SEC61A2: variants seen among roughly 807,000 people sequenced by gnomAD.
The protein encoded by SEC61A2 is protein transport protein Sec61 subunit alpha isoform 2.
Under a neutral mutation model 59.9 loss-of-function variants are expected in SEC61A2, and 28 were observed. That is an observed-to-expected ratio of 0.47 (90% confidence interval 0.35 to 0.64). SEC61A2 has a LOEUF of 0.64. SEC61A2 is among the 30% of genes least tolerant of loss of function. The pLI is 0.01. For synonymous variants in SEC61A2, 202 were observed against 214.4 expected (o/e 0.94, Z 0.50); for missense variants, 340 against 585.9 (o/e 0.58, Z 4.33).
At position 12,154,971 on chromosome 10, in the gene SEC61A2, G is replaced by T. The variant is rs1293415813; in HGVS notation, c.463-807G>T. Among the ~76,000 whole-genome samples, 1 of 152,144 alleles carries T rather than the reference G, an allele frequency of 6.6e-6. No homozygotes were observed. The highest frequency in any genetic ancestry group is 6.5e-5 in the Admixed American group (1 of 15,278). On this transcript the variant is annotated intron_variant, in intron 6 of 11. Coordinates refer to ENST00000298428, the MANE Select transcript of SEC61A2 (RefSeq NM_018144.4). The surrounding 1 kb of genome is among the most constrained non-coding windows in gnomAD (Gnocchi z 5.2). ...CCTGTCTTGATTAGGTTATTTGAGT[G>T]CAGGGAAGGGGTCATATGACTGAGG...
Position 12,156,841 on chromosome 10 carries a change from G to C in SEC61A2, c.617-66G>C, listed in dbSNP as rs976430583. On this transcript the variant is annotated intron_variant, in intron 7 of 11. Coordinates refer to ENST00000298428, the MANE Select transcript of SEC61A2 (RefSeq NM_018144.4). The surrounding 1 kb of genome is among the most constrained non-coding windows in gnomAD (Gnocchi z 5.2). ...GCTGTATACTGGACTTTCACGGTTA[G>C]TTGTTTGAGCTTTGGGACAGCTTTG... The C allele has an allele frequency of 6.5e-7, 1 of 1,540,920 alleles. No individual in the cohort carries two copies. Among genetic ancestry groups the C allele is most frequent in the African/African-American group, 1.4e-5 (1 of 71,758 alleles).
rs937888640 is a variant in SEC61A2 at position 12,165,194 on chromosome 10, G to A, written c.*740G>A. 37 of 985,200 alleles carry A rather than the reference G, an allele frequency of 3.8e-5. No homozygotes were observed. The highest frequency in any genetic ancestry group is 6.2e-5 in the Admixed American group (1 of 16,256). 61.0% of individuals were successfully genotyped at this position (985,200 alleles called of 1,614,324 possible). ...ATATTCTTTCAAGATTCTGGGCCCC[G>A]ATTCTTTTCTGTTTAAATCCCTAAA... On this transcript the variant is annotated 3_prime_UTR_variant, in exon 12 of 12. Transcript: ENST00000298428.
Position 12,160,951 on chromosome 10 carries a change from G to A in SEC61A2, c.997G>A (p.Ala333Thr), listed in dbSNP as rs747314152. The change falls in exon 10 of 12, where the codon GCA becomes ACA. Residue 333 changes from alanine to threonine, a missense_variant. Ala to Thr is a moderately conservative substitution (Grantham distance 58). Around this residue, in one of 3 missense-constraint regions of SEC61A2, gnomAD observed 283 missense variants for 483.2 expected, o/e 0.59. Coordinates refer to ENST00000298428, the MANE Select transcript of SEC61A2 (RefSeq NM_018144.4). The surrounding 1 kb of genome is among the most constrained non-coding windows in gnomAD (Gnocchi z 4.1). ...QWADVSGGGP[A>T]RSYPVGGLCY... is the part of the protein sequence containing the mutation. ...GTAGGATGTCAGTGGGGGAGGACCC[G>A]CACGTTCTTACCCAGTTGGAGGCCT... 5 of 1,613,198 alleles carry A rather than the reference G, an allele frequency of 3.1e-6. No homozygotes were observed. Among genetic ancestry groups the A allele is most frequent in the African/African-American group, 1.3e-5 (1 of 74,984 alleles).
At chr10:12,159,019 C>G (rs911470504) in intron 9 of SEC61A2, among the ~76,000 whole-genome samples, 25 of 150,862 alleles carry the variant, frequency 1.7e-4, no homozygotes, top group Admixed American at 5.3e-4. Context: ...GCTGTGTCGC[C>G]CAGGCTGGAG....
intron 3 of SEC61A2, among the ~76,000 whole-genome samples, chr10:12,136,948 T>C (rs1833903241): frequency 6.6e-6 from 1 of 152,160 alleles, no homozygotes; most frequent in Non-Finnish European, 1.5e-5. Flanking sequence ...GTATTTTTAG[T>C]AGAGATGGGG....
At chr10:12,134,296 C>T (rs1349505907) in intron 2 of SEC61A2, among the ~76,000 whole-genome samples, 4 of 152,202 alleles carry the variant, frequency 2.6e-5, no homozygotes, top group East Asian at 3.9e-4. Context: ...CGTGAGCCAC[C>T]GCGCCCGGCT....
At chr10:12,130,580 C>A (rs1833711344) in intron 1 of SEC61A2, among the ~76,000 whole-genome samples, 1 of 152,134 alleles carries the variant, frequency 6.6e-6, no homozygotes, top group Non-Finnish European at 1.5e-5. Context: ...AACATGAATA[C>A]CCCTTACAGA....
rs1336487560 is a variant in SEC61A2, at chr10:12,161,483, C to G, written c.1167+362C>G. 1.3e-5 allele frequency among the ~76,000 whole-genome samples: 2 copies of G among 152,144 alleles called. No individual in the cohort carries two copies. Among genetic ancestry groups the G allele is most frequent in the African/African-American group, 4.8e-5 (2 of 41,442 alleles). ...AAAGGCCAGGCGCAGTGGTTCACGC[C>G]TGTAATCCCAGCACTTCGGGAGGCC... On this transcript the variant is annotated intron_variant, in intron 10 of 11. Transcript: ENST00000298428. This position sits in a 1 kb window ranked among gnomAD's most constrained non-coding sequence, Gnocchi z 5.4.
At position 12,136,145 on chromosome 10, in the gene SEC61A2, T is replaced by C. The variant is rs1033870255; in HGVS notation, c.116T>C (p.Leu39Pro). The change falls in exon 3 of 12, where the codon CTC becomes CCC. Residue 39 changes from leucine to proline, a missense_variant. By Grantham distance (98) the Leu-to-Pro change is moderately conservative. Coordinates refer to ENST00000298428, the MANE Select transcript of SEC61A2 (RefSeq NM_018144.4). ...AAGGTTCTGTGGACTGCTATAACGC[T>C]CTTCATTTTCTTAGTGTGTTGTCAG... ...REKVLWTAITLFIFLVCCQIP... is the reference protein window; with the variant it reads ...REKVLWTAITPFIFLVCCQIP... 6.3e-7 allele frequency: 1 copy of C among 1,597,564 alleles called. No homozygotes were observed. The highest frequency in any genetic ancestry group is 1.7e-5 in the Admixed American group (1 of 59,990).
At chr10:12,134,092 C>T (rs1015783600) in intron 2 of SEC61A2, among the ~76,000 whole-genome samples, 5 of 133,792 alleles carry the variant, frequency 3.7e-5, no homozygotes, top group Admixed American at 1.5e-4. Context: ...CTGCAAGCTC[C>T]GCCTCCCGGG....
intron 9 of SEC61A2, among the ~76,000 whole-genome samples, chr10:12,159,142 T>G (rs540959433): frequency 2.0e-5 from 3 of 151,874 alleles, no homozygotes; most frequent in Admixed American, 2.0e-4. Flanking sequence ...CACGCCCAGC[T>G]AATTTTTTGT....
intron 1 of SEC61A2, among the ~76,000 whole-genome samples, chr10:12,130,010 G>T (rs935311660): frequency 2.7e-4 from 41 of 152,300 alleles, no homozygotes; most frequent in African/African-American, 9.6e-4. Context: ...GAGGCCCGGG[G>T]TTTGCGTTTG....
chr10:12,151,774 G>A (rs1452687237), intron 6 of SEC61A2, among the ~76,000 whole-genome samples: 1 of 151,872 alleles, frequency 6.6e-6, no homozygotes, highest in Non-Finnish European at 1.5e-5. Context: ...TTTTATTTTT[G>A]AGACGGAGTT....
Position 12,154,790 on chromosome 10 carries a change from G to A in SEC61A2, c.463-988G>A, listed in dbSNP as rs1234221194. ...ATGGTCTCATGTGGTTACTTTGGTCGCTCTTCCAGCAGGTGATATTGGATA... is the reference window on the plus strand; with the variant it reads ...ATGGTCTCATGTGGTTACTTTGGTCACTCTTCCAGCAGGTGATATTGGATA... On this transcript the variant is annotated intron_variant, in intron 6 of 11. Coordinates refer to ENST00000298428, the MANE Select transcript of SEC61A2 (RefSeq NM_018144.4). This position sits in a 1 kb window ranked among gnomAD's most constrained non-coding sequence, Gnocchi z 5.2. Among the ~76,000 whole-genome samples the A allele has an allele frequency of 6.6e-6, 1 of 152,130 alleles. No homozygotes were observed. The highest frequency in any genetic ancestry group is 1.9e-4 in the East Asian group (1 of 5,190).
Position 12,155,840 on chromosome 10 carries a change from G to A in SEC61A2, c.525G>A (p.Leu175=). The A allele has an allele frequency of 6.2e-7, 1 of 1,613,808 alleles. No homozygotes were observed. The highest frequency in any genetic ancestry group is 1.1e-5 in the South Asian group (1 of 91,086). ...AGCTGCTACAGAAGGGTTACGGCTT[G>A]GGGTCTGGGATTTCCCTCTTTATTG... ...LDELLQKGYG[L]GSGISLFIAT... is the part of the protein sequence containing the mutation. Residue 175 remains leucine (L), a synonymous_variant, in exon 7 of 12, where the codon TTG becomes TTA. Transcript: ENST00000298428. The surrounding 1 kb of genome is among the most constrained non-coding windows in gnomAD (Gnocchi z 4.3).
At position 12,165,266 on chromosome 10, in the gene SEC61A2, A is replaced by T. The variant is rs1465248986; in HGVS notation, c.*812A>T. On this transcript the variant is annotated 3_prime_UTR_variant, in exon 12 of 12. Coordinates refer to ENST00000298428, the MANE Select transcript of SEC61A2 (RefSeq NM_018144.4). The stretch of plus-strand genomic sequence containing the variant: ...AATGTCTGTAGTTCAGTGGGGGTGA[A>T]CAATGAATATATTCATGCTAGGAAT... The T allele has an allele frequency of 1.6e-5, 16 of 985,344 alleles. No homozygotes were observed. Among genetic ancestry groups the T allele is most frequent in the Non-Finnish European group, 1.8e-5 (15 of 829,944 alleles). 61.0% of individuals were successfully genotyped at this position (985,344 alleles called of 1,614,324 possible). A position where few individuals can be genotyped will look rare whatever the true frequency, so the allele number is the denominator to read the frequency against.
At chr10:12,131,583 TG>T (rs1359404265) in intron 1 of SEC61A2, among the ~76,000 whole-genome samples, 1 of 151,386 alleles carries the variant, frequency 6.6e-6, no homozygotes, top group Non-Finnish European at 1.5e-5. Flanking sequence ...GTTAATTCTC[TG>T]GGTTGATTAT....
intron 4 of SEC61A2, among the ~76,000 whole-genome samples, chr10:12,146,878 T>C (rs1834152932): frequency 1.3e-5 from 2 of 151,696 alleles, no homozygotes; most frequent in Admixed American, 1.3e-4. Context: ...TAAGAACTTT[T>C]TGTCATTTGT....
In SEC61A2 at chr10:12,161,183, A is replaced by G. The variant is rs1834517999; in HGVS notation, c.1167+62A>G. On this transcript the variant is annotated intron_variant, in intron 10 of 11. Transcript: ENST00000298428. This position sits in a 1 kb window ranked among gnomAD's most constrained non-coding sequence, Gnocchi z 5.4. The stretch of plus-strand genomic sequence containing the variant: ...CAATGCATGGTGGCGCACATCTGTA[A>G]TCGTAGCACTTTGGCAGGCTGAGGC... 7.2e-7 allele frequency: 1 copy of G among 1,387,842 alleles called. No homozygotes were observed. Among genetic ancestry groups the G allele is most frequent in the Non-Finnish European group, 9.9e-7 (1 of 1,012,256 alleles). The allele number at this position is 1,387,842 out of a possible 1,614,324, so 86.0% of individuals were successfully genotyped here.
Sources: allele counts gnomAD v4.1 joint callset (sites outside exome capture counted in the v4.1 genomes callset), GRCh38; gene constraint gnomAD v4.1.1; regional missense constraint gnomAD v4.1.1; non-coding constraint Gnocchi (gnomAD v3.1); transcripts MANE v1.5; gene names NCBI Gene and HGNC (gene_info 2026-07-23, HGNC 2026-07-21).